The following NMNAT2 variants were observed in gnomAD, a reference collection of about 807,000 sequenced individuals.
NMNAT2 encodes the protein nicotinamide/nicotinic acid mononucleotide adenylyltransferase 2.
NMNAT2 carries 11 observed loss-of-function variants against 41.6 expected under a neutral mutation model. That is an observed-to-expected ratio of 0.26 (90% CI 0.17 to 0.44). NMNAT2 has a LOEUF of 0.44. Ranked by LOEUF, NMNAT2 falls within the 20% of genes least tolerant of loss-of-function variation. The pLI, the probability that NMNAT2 is intolerant of heterozygous loss-of-function variation, is 1.00. For synonymous variants in NMNAT2, 148 were observed against 151.2 expected (o/e 0.98, Z 0.16); for missense variants, 288 against 407.7 (o/e 0.71, Z 2.53).
intron 1 of NMNAT2, among the ~76,000 whole-genome samples, chr1:183,417,177 C>T (rs2788046): frequency 0.034 from 5,233 of 152,232 alleles, 218 homozygotes; most frequent in African/African-American, 0.11. Flanking sequence ...AGCCGCGTGG[C>T]TTCCCACCGG....
At chr1:183,380,074 T>C (rs1178085083) in intron 1 of NMNAT2, among the ~76,000 whole-genome samples, 1 of 152,216 alleles carries the variant, frequency 6.6e-6, no homozygotes, top group Admixed American at 6.5e-5. Flanking sequence ...AGGGTTATTG[T>C]TGAGAAAGCT....
At chr1:183,342,178 T>G (rs929792206) in intron 1 of NMNAT2, among the ~76,000 whole-genome samples, 2 of 152,096 alleles carry the variant, frequency 1.3e-5, no homozygotes, top group African/African-American at 4.8e-5. Context: ...TTCTCAGGCT[T>G]GCACTTTAGA....
At chr1:183,264,383 G>A (rs1216525916) in intron 8 of NMNAT2, among the ~76,000 whole-genome samples, 1 of 151,882 alleles carries the variant, frequency 6.6e-6, no homozygotes, top group Non-Finnish European at 1.5e-5. Flanking sequence ...GCAGATGGAG[G>A]CCTTACTGCT....
At chr1:183,350,139 A>G (rs1314790877) in intron 1 of NMNAT2, among the ~76,000 whole-genome samples, 3 of 152,206 alleles carry the variant, frequency 2.0e-5, no homozygotes, top group Non-Finnish European at 4.4e-5. Context: ...GCCCTCATGG[A>G]GCTCATCTTC....
At chr1:183,279,725 T>C (rs778982312) in intron 7 of NMNAT2, among the ~76,000 whole-genome samples, 6 of 152,154 alleles carry the variant, frequency 3.9e-5, no homozygotes, top group Non-Finnish European at 8.8e-5. Flanking sequence ...GGGCCAATGG[T>C]GGGCAATGCC....
Position 183,349,789 on chromosome 1 carries a change from T to G in NMNAT2, c.86-55996A>C, listed in dbSNP as rs541004384. ...CCAATGCTGGGGAAGGAAGGGAACA[T>G]CAAATATTGATTTTCTCCTGGAAAT... On this transcript the variant is annotated intron_variant, in intron 1 of 10. Coordinates refer to ENST00000287713, the MANE Select transcript of NMNAT2 (RefSeq NM_015039.4). 3.9e-5 allele frequency among the ~76,000 whole-genome samples: 6 copies of G among 152,282 alleles called. No homozygotes were observed. In the South Asian group the frequency reaches 1.2e-3, roughly 32 times the overall value.
At chr1:183,417,533 C>T (rs1649289567) in intron 1 of NMNAT2, among the ~76,000 whole-genome samples, 1 of 152,132 alleles carries the variant, frequency 6.6e-6, no homozygotes, top group Admixed American at 6.5e-5. Context: ...CAGCGGGTCC[C>T]TGAGGCCGAA....
chr1:183,267,446 A>G (rs904014509), intron 8 of NMNAT2, among the ~76,000 whole-genome samples: 6 of 152,146 alleles, frequency 3.9e-5, no homozygotes, highest in Non-Finnish European at 8.8e-5. Context: ...TCTGATGTGC[A>G]CCCACCTTTG....
At chr1:183,270,782 G>T (rs967681917) in intron 8 of NMNAT2, among the ~76,000 whole-genome samples, 2 of 152,156 alleles carry the variant, frequency 1.3e-5, no homozygotes, top group Non-Finnish European at 2.9e-5. Flanking sequence ...CAGTGTGGGG[G>T]CCTAATCCCT....
intron 1 of NMNAT2, among the ~76,000 whole-genome samples, chr1:183,384,498 C>T (rs936334655): frequency 6.6e-6 from 1 of 152,196 alleles, no homozygotes; most frequent in Non-Finnish European, 1.5e-5. Flanking sequence ...CTGAGCCCAG[C>T]TGATACACAC....
intron 1 of NMNAT2, among the ~76,000 whole-genome samples, chr1:183,393,477 A>T (rs1030207169): frequency 6.1e-5 from 7 of 114,372 alleles, no homozygotes; most frequent in African/African-American, 9.1e-5. Flanking sequence ...AGTTGGCTTT[A>T]AAAAAAAAAA....
chr1:183,292,439 G>A (rs566995532), intron 3 of NMNAT2, among the ~76,000 whole-genome samples: 3 of 152,310 alleles, frequency 2.0e-5, no homozygotes, highest in East Asian at 1.9e-4. Flanking sequence ...GAGGGTTCGC[G>A]GAAGTTAGTG....
Position 183,284,052 on chromosome 1 carries a change from G to C in NMNAT2, c.530-13C>G. The C allele has an allele frequency of 6.2e-7, 1 of 1,603,488 alleles. No individual in the cohort carries two copies. Among genetic ancestry groups the C allele is most frequent in the Non-Finnish European group, 8.5e-7 (1 of 1,173,342 alleles). Reference sequence around the variant, plus strand: ...TTGGCATTCTCATCTAAGGAGGAAAGAAGGAAGGTAGGGCATTAGGGAACA... The same window carrying C: ...TTGGCATTCTCATCTAAGGAGGAAACAAGGAAGGTAGGGCATTAGGGAACA... On this transcript the variant is annotated splice_polypyrimidine_tract_variant and intron_variant, in intron 6 of 10. Transcript: ENST00000287713.
intron 8 of NMNAT2, among the ~76,000 whole-genome samples, chr1:183,269,087 A>C (rs1463979129): frequency 6.6e-6 from 1 of 152,178 alleles, no homozygotes; most frequent in Non-Finnish European, 1.5e-5. Context: ...TAAATAAATA[A>C]AAAGAAAACA....
At chr1:183,309,491 G>A (rs1444175708) in intron 1 of NMNAT2, among the ~76,000 whole-genome samples, 2 of 152,142 alleles carry the variant, frequency 1.3e-5, no homozygotes, top group Non-Finnish European at 2.9e-5. Flanking sequence ...AATTAGATAC[G>A]ATACTTGGCA....
intron 3 of NMNAT2, 22 bp downstream of exon 3, chr1:183,292,768 G>A: frequency 3.1e-6 from 5 of 1,610,194 alleles, no homozygotes; most frequent in Non-Finnish European, 4.2e-6. Flanking sequence ...CACTGCCTCT[G>A]GCATCTTCAG....
chr1:183,365,092 C>T (rs1053048590), intron 1 of NMNAT2, among the ~76,000 whole-genome samples: 2 of 152,296 alleles, frequency 1.3e-5, no homozygotes, highest in African/African-American at 4.8e-5. Context: ...CCTTATAGTT[C>T]TGACAGCCTA....
chr1:183,339,883 G>A (rs1003568086), intron 1 of NMNAT2, among the ~76,000 whole-genome samples: 5 of 151,932 alleles, frequency 3.3e-5, no homozygotes, highest in African/African-American at 1.2e-4. Context: ...AAGCATTCAT[G>A]AATGCCTGGA....
chr1:183,289,368 C>T (rs1661477479), intron 4 of NMNAT2, among the ~76,000 whole-genome samples: 2 of 152,186 alleles, frequency 1.3e-5, no homozygotes, highest in African/African-American at 4.8e-5. Context: ...GGGAAGGGTG[C>T]TTTCTGCACA....
Sources: gnomAD v4.1 joint callset for allele counts (sites outside exome capture counted in the v4.1 genomes callset) on GRCh38, gnomAD v4.1.1 for gene constraint, MANE v1.5 for transcripts, NCBI Gene and HGNC (gene_info 2026-07-23, HGNC 2026-07-21) for gene names.